The following IYD variants were observed in gnomAD, a reference collection of about 807,000 sequenced individuals.
The protein encoded by IYD is iodotyrosine deiodinase 1.
A neutral mutation model predicts 28.4 loss-of-function variants in IYD; 25 were observed. The observed-to-expected ratio is 0.88, with a 90% CI of 0.64 to 1.23. The LOEUF is 1.23. Ranked by LOEUF, IYD falls within the 50% of genes most tolerant of loss-of-function variation. IYD has a pLI of 0.00. For missense variants in IYD, 352 were observed against 357.9 expected (o/e 0.98, Z 0.13); for synonymous variants, 140 against 130.8 (o/e 1.07, Z -0.48).
rs1364716577 is a variant in IYD at position 150,398,644 on chromosome 6, T to G, written c.*407T>G. 6.0e-6 allele frequency: 1 copy of G among 165,848 alleles called. No homozygotes were observed. The highest frequency in any genetic ancestry group is 1.3e-5 in the Non-Finnish European group (1 of 76,600). The allele number at this position is 165,848 out of a possible 1,614,324, so 10.3% of individuals were successfully genotyped here. On this transcript the variant is annotated 3_prime_UTR_variant, in exon 5 of 5. Transcript: ENST00000344419. ...AGATTAATCAAATGGTCTCCTGTTCTCTGATTTCTGGTGGCTTTTAGACAC... is the reference window on the plus strand; with the variant it reads ...AGATTAATCAAATGGTCTCCTGTTCGCTGATTTCTGGTGGCTTTTAGACAC...
intron 4 of IYD, 112 bp downstream of exon 4, chr6:150,394,367 T>C (rs1404523555): frequency 8.7e-7 from 1 of 1,143,034 alleles, no homozygotes; most frequent in Admixed American, 1.8e-5. Flanking sequence ...AATTCCTAAG[T>C]GAGGTAACTC....
intron 4 of IYD, among the ~76,000 whole-genome samples, chr6:150,394,802 C>T (rs899783566): frequency 6.6e-6 from 1 of 152,222 alleles, no homozygotes; most frequent in Non-Finnish European, 1.5e-5. Context: ...CTCAACAGTG[C>T]ATTCACTCCA....
chr6:150,373,445 T>C (rs898521337), intron 1 of IYD, among the ~76,000 whole-genome samples: 21 of 152,156 alleles, frequency 1.4e-4, no homozygotes, highest in African/African-American at 5.1e-4. Flanking sequence ...AGTGTCAGAG[T>C]CTCAACCAAA....
Position 150,394,174 on chromosome 6 carries a change from C to A in IYD, c.606C>A (p.Ala202=), listed in dbSNP as rs770954040. 6.2e-7 allele frequency: 1 copy of A among 1,614,112 alleles called. No individual in the cohort carries two copies. Among genetic ancestry groups the A allele is most frequent in the Non-Finnish European group, 8.5e-7 (1 of 1,179,996 alleles). Residue 202 remains alanine, a synonymous_variant, in exon 4 of 5, where the codon GCC becomes GCA. Transcript: ENST00000344419. ...TTTTCAAACAAGTACATGGTTTCGC[C>A]GCAAATGGCAAGAAAAAAGTCCACT... The part of the protein sequence containing the change: ...ILIFKQVHGF[A]ANGKKKVHYY...
intron 1 of IYD, among the ~76,000 whole-genome samples, chr6:150,377,276 A>G (rs918043311): frequency 1.3e-5 from 2 of 152,204 alleles, no homozygotes; most frequent in African/African-American, 4.8e-5. Context: ...CCACTGCTCT[A>G]GAGTGAAGGC....
In IYD at chr6:150,398,194, A is replaced by G; in HGVS notation, c.827A>G (p.Asp276Gly). The part of the protein sequence containing the change: ...GYPSKEATVP[D>G]LKRKPLDQIM... ...CCCAGCAAGGAGGCCACGGTGCCTGACCTCAAGCGCAAACCTCTGGACCAG... is the reference window on the plus strand; with the variant it reads ...CCCAGCAAGGAGGCCACGGTGCCTGGCCTCAAGCGCAAACCTCTGGACCAG... Residue 276 changes from aspartate to glycine, a missense_variant, in exon 5 of 5, where the codon GAC (aspartate) becomes GGC (glycine). Coordinates refer to ENST00000344419, the MANE Select transcript of IYD (RefSeq NM_203395.3). 6.2e-7 allele frequency: 1 copy of G among 1,614,066 alleles called. No individual in the cohort carries two copies. The highest frequency in any genetic ancestry group is 8.5e-7 in the Non-Finnish European group (1 of 1,180,000).
intron 1 of IYD, among the ~76,000 whole-genome samples, chr6:150,377,224 T>G (rs1010055688): frequency 2.0e-5 from 3 of 152,196 alleles, no homozygotes; most frequent in African/African-American, 7.2e-5. Context: ...ACATTTGCTT[T>G]GCACTGTGTG....
chr6:150,384,450 A>G (rs1777787133), intron 1 of IYD: 1 of 152,230 alleles, frequency 6.6e-6, no homozygotes, highest in African/African-American at 2.4e-5. Context: ...TACTTTCTGT[A>G]CTGGCCTCAT....
At chr6:150,380,125 G>A (rs951617108) in intron 1 of IYD, among the ~76,000 whole-genome samples, 3 of 152,192 alleles carry the variant, frequency 2.0e-5, no homozygotes, top group African/African-American at 7.2e-5. Flanking sequence ...TAAAAGCCTT[G>A]TTGAATGACT....
intron 4 of IYD, chr6:150,395,302 T>TA (rs374710489): frequency 3.6e-3 from 2,681 of 739,316 alleles, no homozygotes; most frequent in Non-Finnish European, 4.8e-3. Context: ...GACAATGGAT[T>TA]AAAAAAAAAA....
intron 1 of IYD, among the ~76,000 whole-genome samples, chr6:150,370,305 A>G (rs1387661317): frequency 6.7e-6 from 1 of 149,918 alleles, no homozygotes; most frequent in Non-Finnish European, 1.5e-5. Flanking sequence ...GTGTGTGTGC[A>G]TGAGTGTGTG....
chr6:150,374,730 A>G (rs1472392837), intron 1 of IYD, among the ~76,000 whole-genome samples: 2 of 152,176 alleles, frequency 1.3e-5, no homozygotes, highest in African/African-American at 4.8e-5. Context: ...TTGGGTAGCG[A>G]CACAGCCAAA....
intron 1 of IYD, among the ~76,000 whole-genome samples, chr6:150,372,511 T>G (rs1010777554): frequency 7.4e-3 from 15 of 2,038 alleles, no homozygotes; most frequent in Admixed American, 0.017. Flanking sequence ...TGTGGGGGGG[T>G]GGGGTGGGGA....
chr6:150,394,249 C>A lies in IYD; in HGVS notation c.681C>A (p.Ala227=), dbSNP rs764714499. Residue 227 remains alanine, a synonymous_variant, in exon 4 of 5, where the codon GCC becomes GCA. Coordinates refer to ENST00000344419, the MANE Select transcript of IYD (RefSeq NM_203395.3). ...TCGCTTGTGGCATCCTGCTAGCTGC[C>A]CTGCAGGTATGTTGAGACATCAAGG... The part of the protein sequence containing the change: ...VSIACGILLA[A]LQNAGLVTVT... 3 of 1,613,950 alleles carry A rather than the reference C, an allele frequency of 1.9e-6. No homozygotes were observed. The highest frequency in any genetic ancestry group is 2.5e-6 in the Non-Finnish European group (3 of 1,180,000).
chr6:150,371,730 C>G (rs1366392735), intron 1 of IYD, among the ~76,000 whole-genome samples: 1 of 152,234 alleles, frequency 6.6e-6, no homozygotes, highest in Non-Finnish European at 1.5e-5. Context: ...TCCTTAGCAG[C>G]TGGGACAAAG....
chr6:150,403,424 T>C lies in IYD; in HGVS notation c.*5187T>C, dbSNP rs951928093. Reference sequence around the variant, plus strand: ...CTCCTGCCCCACTCAGCCCACAAAATAGGCTGGACACTCAAAAAACGTTGC... The same window carrying C: ...CTCCTGCCCCACTCAGCCCACAAAACAGGCTGGACACTCAAAAAACGTTGC... On this transcript the variant is annotated 3_prime_UTR_variant, in exon 5 of 5. Transcript: ENST00000344419. The C allele has an allele frequency of 6.6e-6, 1 of 152,156 alleles. No homozygotes were observed. The highest frequency in any genetic ancestry group is 1.5e-5 in the Non-Finnish European group (1 of 68,014). 9.4% of individuals were successfully genotyped at this position (152,156 alleles called of 1,614,324 possible).
rs534981712 is a variant in IYD, at chr6:150,383,553, C to T, written c.179-5799C>T. Among the ~76,000 whole-genome samples, 22 of 152,104 alleles carry T rather than the reference C, an allele frequency of 1.4e-4. No individual in the cohort carries two copies. The South Asian group carries it at 3.3e-3, about 23-fold the overall frequency. On this transcript the variant is annotated intron_variant, in intron 1 of 4. Transcript: ENST00000344419. ...GTTGTTTTGGTTTTCTAGCTTGCGG[C>T]GTTCATAAAAATTCTCTAATTAACC...
intron 2 of IYD, among the ~76,000 whole-genome samples, chr6:150,390,062 T>G (rs1778053567): frequency 1.3e-5 from 2 of 152,154 alleles, no homozygotes; most frequent in South Asian, 4.1e-4. Flanking sequence ...TAATGTAAAT[T>G]AATATTTCCA....
chr6:150,382,450 T>C (rs640074), intron 1 of IYD, among the ~76,000 whole-genome samples: 84,059 of 151,916 alleles, frequency 0.55, 23,481 homozygotes, highest in African/African-American at 0.59. Flanking sequence ...CTCTATCCAA[T>C]TTTACTAGAC....
Sources: allele counts gnomAD v4.1 joint callset (sites outside exome capture counted in the v4.1 genomes callset), GRCh38; gene constraint gnomAD v4.1.1; transcripts MANE v1.5; gene names NCBI Gene and HGNC (gene_info 2026-07-23, HGNC 2026-07-21).